The following BCAR1 variants were observed in gnomAD, a reference collection of about 807,000 sequenced individuals.
BCAR1 encodes the protein BCAR1 scaffold protein, Cas family member, also known as breast cancer anti-estrogen resistance protein 1.
Under a neutral mutation model 67.6 loss-of-function variants are expected in BCAR1, and 30 were observed. That is an observed-to-expected ratio of 0.44 (90% CI 0.33 to 0.60). The LOEUF (loss-of-function observed/expected upper bound fraction) is 0.60. Ranked by LOEUF, BCAR1 falls within the 20% of genes least tolerant of loss-of-function variation. BCAR1 has a pLI of 0.02. For missense variants in BCAR1, 1,313 were observed against 1,222.3 expected (o/e 1.07, Z -1.11); for synonymous variants, 626 against 556.7 (o/e 1.12, Z -1.75).
intron 6 of BCAR1, among the ~76,000 whole-genome samples, chr16:75,233,310 C>A (rs1184843224): frequency 6.6e-6 from 1 of 151,906 alleles, no homozygotes; most frequent in African/African-American, 2.4e-5. Flanking sequence ...AAGGTTGAGG[C>A]TGCAGTGAGT....
chr16:75,260,904 A>G (rs908576606), intron 1 of BCAR1, among the ~76,000 whole-genome samples: 2 of 152,308 alleles, frequency 1.3e-5, no homozygotes, highest in Middle Eastern at 3.4e-3. Context: ...CCTTCCCCAT[A>G]CATTACATAA....
chr16:75,260,720 G>A (rs1161124757), intron 1 of BCAR1, among the ~76,000 whole-genome samples: 1 of 147,960 alleles, frequency 6.8e-6, no homozygotes, highest in East Asian at 2.0e-4. Flanking sequence ...TAAGAGTTTC[G>A]ACTGGTAAAA....
chr16:75,229,924 C>G lies in BCAR1; in HGVS notation c.2200G>C (p.Gly734Arg), dbSNP rs769793248. The G allele has an allele frequency of 5.0e-6, 8 of 1,606,882 alleles. No homozygotes were observed. Among genetic ancestry groups the G allele is most frequent in the Non-Finnish European group, 6.0e-6 (7 of 1,175,112 alleles). The change falls in exon 7 of 7, where the codon GGC (glycine) becomes CGC (arginine). Residue 734 changes from glycine (G) to arginine (R), a missense_variant. Coordinates refer to ENST00000162330, the MANE Select transcript of BCAR1 (RefSeq NM_014567.5). ...PAQPLAPGRT[G>R]GLGPSDRQLL... is the part of the protein sequence containing the mutation. Reference sequence around the variant, plus strand: ...TGCCGGTCCGAGGGCCCCAGGCCGCCTGTTCGCCCCGGGGCCAGGGGTTGG... The same window carrying G: ...TGCCGGTCCGAGGGCCCCAGGCCGCGTGTTCGCCCCGGGGCCAGGGGTTGG...
chr16:75,264,530 A>T, intron 1 of BCAR1: 3 of 1,405,264 alleles, frequency 2.1e-6, no homozygotes, highest in Non-Finnish European at 2.8e-6. Context: ...TGAAGACGAG[A>T]CGATTATGCT....
intron 1 of BCAR1, chr16:75,264,295 C>T: frequency 7.1e-7 from 1 of 1,414,796 alleles, no homozygotes; most frequent in Non-Finnish European, 9.2e-7. Context: ...TAGAGGCCCG[C>T]CCAGGCTGGG....
At position 75,235,954 on chromosome 16, in the gene BCAR1, A is replaced by C; in HGVS notation, c.945T>G (p.Asp315Glu). The C allele has an allele frequency of 1.3e-6, 2 of 1,575,704 alleles. No homozygotes were observed. The highest frequency in any genetic ancestry group is 1.7e-6 in the Non-Finnish European group (2 of 1,159,986). Residue 315 changes from aspartate (D) to glutamate (E), a missense_variant, in exon 5 of 7, where the codon GAT becomes GAG. Around this residue, in one of 2 missense-constraint regions of BCAR1, gnomAD observed 1,272 missense variants for 1,137.5 expected, o/e 1.12. Transcript: ENST00000162330. ...CACGCAGCAGTGGGCCATCGGGCAC[A>C]TCCTTGCTCACCGATGGAGGAACGT... ...VYDVPPSVSK[D>E]VPDGPLLREE...
At chr16:75,252,136 C>G, upstream of BCAR1, 1 of 1,471,674 alleles carries the variant, frequency 6.8e-7, no homozygotes, top group Non-Finnish European at 9.2e-7. Flanking sequence ...ACAGCTCCGA[C>G]TGTAGACGGT....
At chr16:75,256,157 G>A (rs529347267), upstream of BCAR1, 11 of 152,570 alleles carry the variant, frequency 7.2e-5, no homozygotes, top group East Asian at 1.5e-3. Flanking sequence ...GGCAGAGAGA[G>A]GGGCAATGCC....
At chr16:75,255,250 C>T (rs2077748776), upstream of BCAR1, among the ~76,000 whole-genome samples, 2 of 152,210 alleles carry the variant, frequency 1.3e-5, no homozygotes, top group Admixed American at 6.5e-5. Flanking sequence ...GAAGCCTCGG[C>T]CTCCCAGCAG....
intron 2 of BCAR1, 110 bp from the exon 3 acceptor site, chr16:75,237,454 G>A (rs1363741474): frequency 1.6e-6 from 2 of 1,288,342 alleles, no homozygotes; most frequent in African/African-American, 1.6e-5. Flanking sequence ...CACACCAGGT[G>A]GAAGGGACGG....
intron 1 of BCAR1, chr16:75,266,760 T>C: frequency 6.9e-7 from 1 of 1,454,934 alleles, no homozygotes. Flanking sequence ...TTCTGCTTCC[T>C]GGGGACGGTG....
At chr16:75,230,236 T>C (rs188830975) in intron 6 of BCAR1, among the ~76,000 whole-genome samples, 1 of 152,086 alleles carries the variant, frequency 6.6e-6, no homozygotes, top group African/African-American at 2.4e-5. Flanking sequence ...TCCACCAGTC[T>C]CAAAAGGTCA....
intron 1 of BCAR1, chr16:75,263,386 C>A (rs1242939393): frequency 2.0e-6 from 2 of 985,436 alleles, no homozygotes; most frequent in South Asian, 4.7e-5. Context: ...AGGCCCAGAG[C>A]GCTGGGCGAG....
At chr16:75,236,091 G>GAC in intron 4 of BCAR1, 105 bp from the exon 5 acceptor site, 2 of 1,403,706 alleles carry the variant, frequency 1.4e-6, no homozygotes, top group Non-Finnish European at 1.9e-6. Context: ...CACACATACA[G>GAC]ACACACACAC....
rs2076831451 is a variant in BCAR1, at chr16:75,229,875, T to C, written c.2249A>G (p.Gln750Arg). The C allele has an allele frequency of 6.2e-7, 1 of 1,612,726 alleles. No homozygotes were observed. Among genetic ancestry groups the C allele is most frequent in the Admixed American group, 1.7e-5 (1 of 60,008 alleles). Reference sequence around the variant, plus strand: ...CAGTGTGGTCAGGTTGGCCTCACACTGCTCCAGGTAGAAGAGCAGCAGCTG... The same window carrying C: ...CAGTGTGGTCAGGTTGGCCTCACACCGCTCCAGGTAGAAGAGCAGCAGCTG... ...DRQLLLFYLE[Q>R]CEANLTTLTN... Residue 750 changes from glutamine (Q) to arginine (R), a missense_variant, in exon 7 of 7, where the codon CAG becomes CGG. Coordinates refer to ENST00000162330, the MANE Select transcript of BCAR1 (RefSeq NM_014567.5).
At chr16:75,261,019 G>A (rs1339011307) in intron 1 of BCAR1, among the ~76,000 whole-genome samples, 1 of 152,138 alleles carries the variant, frequency 6.6e-6, no homozygotes, top group Non-Finnish European at 1.5e-5. Flanking sequence ...TAAAATGACT[G>A]AAAAACCTTC....
chr16:75,230,028 G>A lies in BCAR1; in HGVS notation c.2101-5C>T, dbSNP rs201637235. Reference sequence around the variant, plus strand: ...CAGTCGTTCAAACTGCTTCAGCTGGGGCAGGAGGGAAGCAGGAGCAGGGTT... The same window carrying A: ...CAGTCGTTCAAACTGCTTCAGCTGGAGCAGGAGGGAAGCAGGAGCAGGGTT... On this transcript the variant is annotated splice_region_variant and splice_polypyrimidine_tract_variant and intron_variant, in intron 6 of 6. Coordinates refer to ENST00000162330, the MANE Select transcript of BCAR1 (RefSeq NM_014567.5). 2.4e-4 allele frequency: 368 copies of A among 1,525,962 alleles called. 6 individuals are homozygous for A. In the African/African-American group the frequency reaches 4.8e-3, roughly 20 times the overall value. The allele number at this position is 1,525,962 out of a possible 1,614,324, so 94.5% of individuals were successfully genotyped here.
At position 75,230,026 on chromosome 16, in the gene BCAR1, G is replaced by T. The variant is rs1217137127; in HGVS notation, c.2101-3C>A. 6.6e-7 allele frequency: 1 copy of T among 1,525,684 alleles called. No individual in the cohort carries two copies. The highest frequency in any genetic ancestry group is 2.3e-5 in the East Asian group (1 of 43,968). The allele number at this position is 1,525,684 out of a possible 1,614,324, so 94.5% of individuals were successfully genotyped here. Reference sequence around the variant, plus strand: ...TCCAGTCGTTCAAACTGCTTCAGCTGGGGCAGGAGGGAAGCAGGAGCAGGG... The same window carrying T: ...TCCAGTCGTTCAAACTGCTTCAGCTTGGGCAGGAGGGAAGCAGGAGCAGGG... On this transcript the variant is annotated splice_region_variant and splice_polypyrimidine_tract_variant and intron_variant, in intron 6 of 6. Transcript: ENST00000162330.
At chr16:75,245,888 T>C (rs904927399) in intron 1 of BCAR1, 1 of 149,910 alleles carries the variant, frequency 6.7e-6, no homozygotes, top group Non-Finnish European at 1.5e-5. Context: ...CTGTGGGACT[T>C]TGGGCAAATC....
Sources: allele counts gnomAD v4.1 joint callset (sites outside exome capture counted in the v4.1 genomes callset), GRCh38; gene constraint gnomAD v4.1.1; regional missense constraint gnomAD v4.1.1; transcripts MANE v1.5; gene names NCBI Gene and HGNC (gene_info 2026-07-23, HGNC 2026-07-21).